Variants in SYTL2 observed in about 807,000 individuals in gnomAD.
The protein encoded by SYTL2 is synaptotagmin like 2.
In SYTL2, 165 loss-of-function variants were observed where a neutral mutation model predicts 198.7. The ratio of observed to expected loss-of-function variants is 0.83; its 90% CI spans 0.73 to 0.94. SYTL2 has a LOEUF of 0.94. Ranked by LOEUF, SYTL2 falls within the 40% of genes least tolerant of loss-of-function variation. The pLI, the probability that SYTL2 is intolerant of heterozygous loss-of-function variation, is 0.00. For missense variants in SYTL2, 2,835 were observed against 2,582.8 expected (o/e 1.10, Z -2.12); for synonymous variants, 966 against 917.7 (o/e 1.05, Z -0.95).
chr11:85,707,679 A>G lies in SYTL2; in HGVS notation c.5916-148T>C, dbSNP rs2085417784. The G allele has an allele frequency of 8.2e-6, 5 of 609,448 alleles. No individual in the cohort carries two copies. The Admixed American group carries it at 1.5e-4, about 18-fold the overall frequency. The allele number at this position is 609,448 out of a possible 1,614,324, so 37.8% of individuals were successfully genotyped here. On this transcript the variant is annotated intron_variant, in intron 14 of 19. Transcript: ENST00000359152. ...GTGAATAACAAATTTTCCTACCAATACCTTTATACTTAAATGTGTAAAGGG... is the reference window on the plus strand; with the variant it reads ...GTGAATAACAAATTTTCCTACCAATGCCTTTATACTTAAATGTGTAAAGGG...
At chr11:85,752,436 A>C (rs1261116500) in intron 2 of SYTL2, among the ~76,000 whole-genome samples, 1 of 152,128 alleles carries the variant, frequency 6.6e-6, no homozygotes, top group Non-Finnish European at 1.5e-5. Context: ...CCCAGCCAAC[A>C]CACTTTCTAC....
chr11:85,722,688 A>C (rs1256069802), intron 8 of SYTL2, among the ~76,000 whole-genome samples: 2 of 151,794 alleles, frequency 1.3e-5, no homozygotes, highest in African/African-American at 4.8e-5. Context: ...CATTACATTA[A>C]TTAATTATTA....
intron 4 of SYTL2, among the ~76,000 whole-genome samples, chr11:85,744,429 A>C (rs2091010696): frequency 6.6e-6 from 1 of 152,210 alleles, no homozygotes; most frequent in African/African-American, 2.4e-5. Flanking sequence ...CAGATATAAA[A>C]GAATATTACA....
chr11:85,771,454 A>G, intron 1 of SYTL2, among the ~76,000 whole-genome samples: 1 of 152,232 alleles, frequency 6.6e-6, no homozygotes, highest in East Asian at 1.9e-4. Context: ...CGTTAGTTTA[A>G]TGTCACTGAG....
intron 12 of SYTL2, among the ~76,000 whole-genome samples, chr11:85,714,193 T>A (rs1301215912): frequency 6.6e-6 from 1 of 152,220 alleles, no homozygotes; most frequent in Non-Finnish European, 1.5e-5. Context: ...TCTATGCAAT[T>A]TGACTTCACT....
chr11:85,730,734 T>C (rs1396232556), intron 7 of SYTL2, among the ~76,000 whole-genome samples: 2 of 152,292 alleles, frequency 1.3e-5, no homozygotes, highest in South Asian at 4.1e-4. Flanking sequence ...GTATTGGAAG[T>C]TCTGGCTAGG....
intron 4 of SYTL2, among the ~76,000 whole-genome samples, chr11:85,744,986 CA>C (rs201928305): frequency 0.058 from 8,808 of 152,106 alleles, 306 homozygotes; most frequent in East Asian, 0.099. Flanking sequence ...GGAAAAACAC[CA>C]AAAAACCCCA....
At chr11:85,722,170 A>ATT (rs574669583) in intron 8 of SYTL2, among the ~76,000 whole-genome samples, 63 of 94,636 alleles carry the variant, frequency 6.7e-4, no homozygotes, top group Non-Finnish European at 8.3e-4. Flanking sequence ...TGTTTAGGTG[A>ATT]TTTTTTTTTT....
intron 7 of SYTL2, among the ~76,000 whole-genome samples, chr11:85,728,702 A>G (rs1316832548): frequency 6.6e-6 from 1 of 152,242 alleles, no homozygotes; most frequent in Admixed American, 6.5e-5. Context: ...GGCACATATC[A>G]TAAACCCTAG....
At chr11:85,798,395 C>T (rs923664299) in intron 1 of SYTL2, among the ~76,000 whole-genome samples, 3 of 152,160 alleles carry the variant, frequency 2.0e-5, no homozygotes, top group African/African-American at 7.2e-5. Flanking sequence ...GAAATGGGCC[C>T]TTCTCTTATG....
At chr11:85,777,199 C>A (rs2092466498) in intron 1 of SYTL2, among the ~76,000 whole-genome samples, 1 of 152,180 alleles carries the variant, frequency 6.6e-6, no homozygotes, top group African/African-American at 2.4e-5. Context: ...GAGTATTTTT[C>A]TTGGTAGCAG....
chr11:85,746,683 C>A lies in SYTL2; in HGVS notation c.254-911G>T, dbSNP rs530799340. Among the ~76,000 whole-genome samples, 4 of 152,272 alleles carry A rather than the reference C, an allele frequency of 2.6e-5. No individual in the cohort carries two copies. In the East Asian group the frequency reaches 7.7e-4, roughly 29 times the overall value. On this transcript the variant is annotated intron_variant, in intron 3 of 19. Coordinates refer to ENST00000359152, the MANE Select transcript of SYTL2 (RefSeq NM_206927.4). ...CCCCACAGGTCCTGTTACATGTAAG[C>A]CTAGTTTCTTCAACTGCAAAATGGG...
chr11:85,806,377 T>C (rs995495177), intron 1 of SYTL2, among the ~76,000 whole-genome samples: 2 of 152,192 alleles, frequency 1.3e-5, no homozygotes, highest in Admixed American at 6.5e-5. Context: ...CTAGCACAGG[T>C]CCAAGTGCCC....
chr11:85,731,977 A>G (rs2089874925), intron 7 of SYTL2, among the ~76,000 whole-genome samples: 1 of 152,276 alleles, frequency 6.6e-6, no homozygotes, highest in Non-Finnish European at 1.5e-5. Flanking sequence ...TTATGCAGCC[A>G]ACAAACATGA....
At position 85,695,192 on chromosome 11, in the gene SYTL2, G is replaced by A; in HGVS notation, c.*3C>T. On this transcript the variant is annotated 3_prime_UTR_variant, in exon 20 of 20. Transcript: ENST00000359152. ...TCAGTGGAGGAGCCAGTGGAATTTGGGCTCATTTGGAAATCTTGGCAATCA... is the reference window on the plus strand; with the variant it reads ...TCAGTGGAGGAGCCAGTGGAATTTGAGCTCATTTGGAAATCTTGGCAATCA... 6.2e-7 allele frequency: 1 copy of A among 1,609,828 alleles called. No homozygotes were observed.
rs140544796 is a variant in SYTL2, at chr11:85,722,733, A to C, written c.5326+1299T>G. Among the ~76,000 whole-genome samples, 940 of 152,038 alleles carry C rather than the reference A, an allele frequency of 6.2e-3. 8 individuals carry two copies. The highest frequency in any genetic ancestry group is 0.024 in the Middle Eastern group (7 of 294). Reference sequence around the variant, plus strand: ...ATTTATTTACTTTAGAGATTAAATAAATTTAGAGATTTAATTAGAGATTTA... The same window carrying C: ...ATTTATTTACTTTAGAGATTAAATACATTTAGAGATTTAATTAGAGATTTA... On this transcript the variant is annotated intron_variant, in intron 8 of 19. Coordinates refer to ENST00000359152, the MANE Select transcript of SYTL2 (RefSeq NM_206927.4).
the SYTL2 span, among the ~76,000 whole-genome samples, chr11:85,833,385 A>ATGTATATATGTTTTATATATATATGATT: frequency 6.8e-6 from 1 of 147,764 alleles, no homozygotes; most frequent in Admixed American, 6.8e-5. Context: ...TATATCTCAT[A>ATGTATATATGTTTTATATATATATGATT]TATATATCAT....
intron 1 of SYTL2, among the ~76,000 whole-genome samples, chr11:85,780,206 A>G (rs1455319860): frequency 2.0e-5 from 3 of 152,250 alleles, no homozygotes; most frequent in African/African-American, 7.2e-5. Context: ...CATTCTTTCA[A>G]TAGTGCTTAT....
intron 9 of SYTL2, chr11:85,719,145 G>A (rs1215157252): frequency 1.4e-6 from 2 of 1,410,620 alleles, no homozygotes; most frequent in African/African-American, 1.4e-5. Context: ...GCACGGGGCT[G>A]CAACAGCCTC....
Sources: allele counts gnomAD v4.1 joint callset (sites outside exome capture counted in the v4.1 genomes callset), GRCh38; gene constraint gnomAD v4.1.1; transcripts MANE v1.5; gene names NCBI Gene and HGNC (gene_info 2026-07-23, HGNC 2026-07-21).